Variants in DOCK5 observed in about 807,000 individuals in gnomAD.
DOCK5 encodes dedicator of cytokinesis protein 5.
In DOCK5, 142 loss-of-function variants were observed where a neutral mutation model predicts 251.8. That is an observed-to-expected ratio of 0.56 (90% CI 0.49 to 0.65). DOCK5 has a LOEUF of 0.65. Among genes scored for constraint, DOCK5 ranks in the 30% least tolerant of loss-of-function variants. The probability of loss-of-function intolerance (pLI) is 0.00; values close to 1 mark genes in which losing one functional copy is unlikely to be tolerated. For synonymous variants in DOCK5, 842 were observed against 835.5 expected, an observed-to-expected ratio of 1.01 and a Z score of -0.13; for missense variants, 2,111 against 2,312.3, an observed-to-expected ratio of 0.91 and a Z score of 1.79.
rs567097424 is a variant in DOCK5, at chr8:25,385,719, T to A, written c.4131+2941T>A. ...GAGATCAAAAAATGAGATAAATCAA[T>A]AAACTATTTAGTATGAGAGATGGCC... On this transcript the variant is annotated intron_variant, in intron 40 of 51. Transcript: ENST00000276440. Among the ~76,000 whole-genome samples, 50 of 152,244 alleles carry A rather than the reference T, an allele frequency of 3.3e-4. No individual in the cohort carries two copies. In the South Asian group the frequency reaches 8.1e-3, roughly 25 times the overall value.
At chr8:25,316,838 A>T (rs1401058584) in intron 13 of DOCK5, among the ~76,000 whole-genome samples, 169 bp from the exon 14 acceptor site, 1 of 152,222 alleles carries the variant, frequency 6.6e-6, no homozygotes, top group Non-Finnish European at 1.5e-5. Flanking sequence ...GAAAGGTAAA[A>T]TGTGATAAGC....
At chr8:25,324,500 A>G (rs1805510193) in intron 17 of DOCK5, among the ~76,000 whole-genome samples, 1 of 152,232 alleles carries the variant, frequency 6.6e-6, no homozygotes, top group African/African-American at 2.4e-5. Flanking sequence ...TTAGCCAACA[A>G]TATCTGGGGA....
Position 25,239,641 on chromosome 8 carries a change from C to T in DOCK5, c.44-4033C>T, listed in dbSNP as rs141654266. On this transcript the variant is annotated intron_variant, in intron 1 of 51. Coordinates refer to ENST00000276440, the MANE Select transcript of DOCK5 (RefSeq NM_024940.8). ...GCCAAACTAGCAGGCAGAGCATTTG[C>T]GTAAACCAGCAGACGAATGAAGGAG... is the stretch of plus-strand genomic sequence containing the variant. 1.8e-4 allele frequency among the ~76,000 whole-genome samples: 28 copies of T among 152,076 alleles called. No homozygotes were observed. The East Asian group carries it at 5.2e-3, about 28-fold the overall frequency.
chr8:25,311,315 G>T (rs930916514), intron 13 of DOCK5, among the ~76,000 whole-genome samples: 1 of 151,026 alleles, frequency 6.6e-6, no homozygotes, highest in Non-Finnish European at 1.5e-5. Flanking sequence ...AGGCTGAGGT[G>T]GGCGGATCAT....
At chr8:25,335,398 A>T (rs1805779833) in intron 21 of DOCK5, among the ~76,000 whole-genome samples, 1 of 152,068 alleles carries the variant, frequency 6.6e-6, no homozygotes, top group African/African-American at 2.4e-5. Context: ...TTTCCTTTTT[A>T]AAAAATAATA....
At chr8:25,288,521 T>G (rs866717676) in intron 5 of DOCK5, among the ~76,000 whole-genome samples, 1 of 152,220 alleles carries the variant, frequency 6.6e-6, no homozygotes, top group African/African-American at 2.4e-5. Flanking sequence ...TAACTGAGAC[T>G]AAGAACTTGT....
At chr8:25,317,209 A>T in intron 14 of DOCK5, 78 bp downstream of exon 14, 1 of 1,560,640 alleles carries the variant, frequency 6.4e-7, no homozygotes. Context: ...CCGTATTTTA[A>T]TTCTTCTTTG....
chr8:25,337,827 C>T (rs550249337), intron 22 of DOCK5, among the ~76,000 whole-genome samples: 1 of 151,970 alleles, frequency 6.6e-6, no homozygotes, highest in South Asian at 2.1e-4. Context: ...CCTCGTGATC[C>T]CCCCGCCTCG....
In DOCK5 at chr8:25,390,252, C is replaced by A; in HGVS notation, c.4320C>A (p.Ser1440Arg). 1 of 1,592,406 alleles carries A rather than the reference C, an allele frequency of 6.3e-7. No homozygotes were observed. The highest frequency in any genetic ancestry group is 8.6e-7 in the Non-Finnish European group (1 of 1,169,064). Residue 1440 changes from serine to arginine, a missense_variant, in exon 42 of 52, where the codon AGC (serine) becomes AGA (arginine). Ser to Arg is a moderately radical substitution (Grantham distance 110). Around this residue, in one of 3 missense-constraint regions of DOCK5, gnomAD observed 1,717 missense variants for 1,892.4 expected, o/e 0.91. Coordinates refer to ENST00000276440, the MANE Select transcript of DOCK5 (RefSeq NM_024940.8). ...AGCCAGTGATGAGCTTGCCGCCCAG[C>A]TACAAGGATAAACCTGTTCCAGAGC... ...TVKPVMSLPPSYKDKPVPEQI... is the reference protein window; with the variant it reads ...TVKPVMSLPPRYKDKPVPEQI...
rs961046260 is a variant in DOCK5 at position 25,274,801 on chromosome 8, G to C, written c.169-585G>C. On this transcript the variant is annotated intron_variant, in intron 3 of 51. Transcript: ENST00000276440. ...TTGAACTCTGCAGCACTTCCACATG[G>C]ATTTTTTTTTTTTAGCCAAATGCAA... Among the ~76,000 whole-genome samples, 3 of 146,518 alleles carry C rather than the reference G, an allele frequency of 2.0e-5. No individual in the cohort carries two copies. The South Asian group carries it at 6.4e-4, about 31-fold the overall frequency.
Position 25,366,937 on chromosome 8 carries a change from T to G in DOCK5, c.3191T>G (p.Phe1064Cys), listed in dbSNP as rs1459890016. 1.2e-6 allele frequency: 2 copies of G among 1,613,720 alleles called. No individual in the cohort carries two copies. The highest frequency in any genetic ancestry group is 1.7e-6 in the Non-Finnish European group (2 of 1,179,800). ...CATGAGTCCCTTCAGCTTGAAACCT[T>G]CTCACAAGCCAAGCGCAACAAAATT... ...LTHESLQLET[F>C]SQAKRNKIVK... Residue 1064 changes from phenylalanine (F) to cysteine (C), a missense_variant, in exon 31 of 52, where the codon TTC becomes TGC. Transcript: ENST00000276440.
intron 2 of DOCK5, among the ~76,000 whole-genome samples, chr8:25,253,359 C>T (rs1401519128): frequency 1.4e-5 from 2 of 147,214 alleles, no homozygotes; most frequent in African/African-American, 5.1e-5. Context: ...TAGCATTCCA[C>T]AGATTTTGGA....
At chr8:25,235,099 C>A (rs1368157294) in intron 1 of DOCK5, among the ~76,000 whole-genome samples, 1 of 152,150 alleles carries the variant, frequency 6.6e-6, no homozygotes, top group East Asian at 1.9e-4. Context: ...TCTGGCCCTG[C>A]ACAAATTCTC....
At chr8:25,256,895 T>C (rs569943966) in intron 2 of DOCK5, among the ~76,000 whole-genome samples, 3 of 152,168 alleles carry the variant, frequency 2.0e-5, no homozygotes, top group Non-Finnish European at 4.4e-5. Flanking sequence ...CTTGACTTTT[T>C]TTTTTTTGGT....
chr8:25,322,909 C>T (rs1039538165), intron 16 of DOCK5, among the ~76,000 whole-genome samples: 22 of 152,156 alleles, frequency 1.4e-4, no homozygotes, highest in African/African-American at 4.8e-4. Flanking sequence ...GGTCTATGTT[C>T]ATAACAGCTT....
intron 5 of DOCK5, among the ~76,000 whole-genome samples, chr8:25,286,175 G>A (rs576805439): frequency 1.6e-3 from 242 of 152,176 alleles, no homozygotes; most frequent in Non-Finnish European, 2.9e-3. Flanking sequence ...AACACAGAAG[G>A]ACCCAAACAC....
At chr8:25,362,531 A>G (rs1357764300) in intron 28 of DOCK5, among the ~76,000 whole-genome samples, 3 of 142,202 alleles carry the variant, frequency 2.1e-5, no homozygotes, top group East Asian at 2.1e-4. Context: ...CAATGGCACA[A>G]TCTTGGCTCA....
At chr8:25,376,011 T>G in intron 37 of DOCK5, 1 of 857,934 alleles carries the variant, frequency 1.2e-6, no homozygotes, top group Non-Finnish European at 1.4e-6. Context: ...GGCAGGAGAA[T>G]CATTTGAACC....
intron 5 of DOCK5, among the ~76,000 whole-genome samples, chr8:25,283,099 A>T (rs1320631293): frequency 3.9e-5 from 6 of 152,198 alleles, no homozygotes; most frequent in Non-Finnish European, 5.9e-5. Flanking sequence ...TTTAGCAGTT[A>T]TACGGTAACC....
Sources: gnomAD v4.1 joint callset for allele counts (sites outside exome capture counted in the v4.1 genomes callset) on GRCh38, gnomAD v4.1.1 for gene constraint, gnomAD v4.1.1 regional missense constraint, MANE v1.5 for transcripts, NCBI Gene and HGNC (gene_info 2026-07-23, HGNC 2026-07-21) for gene names.